Variants in LRRC4C observed in about 807,000 individuals in gnomAD.
The protein encoded by LRRC4C is leucine rich repeat containing 4C.
LRRC4C carries 5 observed loss-of-function variants against 33.6 expected under a neutral mutation model. The ratio of observed to expected loss-of-function variants is 0.15; its 90% CI spans 0.08 to 0.31. The LOEUF is 0.31. Ranked by LOEUF, LRRC4C falls within the 10% of genes least tolerant of loss-of-function variation. LRRC4C has a pLI of 1.00. For synonymous variants in LRRC4C, 329 were observed against 302.0 expected (o/e 1.09, Z -0.93); for missense variants, 560 against 796.7 (o/e 0.70, Z 3.58).
At chr11:40,302,949 G>A (rs1944847849) in intron 4 of LRRC4C, among the ~76,000 whole-genome samples, 1 of 152,144 alleles carries the variant, frequency 6.6e-6, no homozygotes, top group Non-Finnish European at 1.5e-5. Flanking sequence ...GGAACTTAAG[G>A]GAAATGTGTG....
intron 3 of LRRC4C, among the ~76,000 whole-genome samples, chr11:40,477,736 A>G (rs1204178522): frequency 6.6e-6 from 1 of 152,108 alleles, no homozygotes; most frequent in East Asian, 1.9e-4. Flanking sequence ...TTTTCAGTAC[A>G]ATACCTTGGA....
At chr11:40,750,612 C>T (rs1392216925) in intron 2 of LRRC4C, among the ~76,000 whole-genome samples, 1 of 132,874 alleles carries the variant, frequency 7.5e-6, no homozygotes, top group Non-Finnish European at 1.5e-5. Flanking sequence ...AGTGAGAACA[C>T]ATGGACACAG....
In LRRC4C at chr11:40,675,514, A is replaced by G. The variant is rs192882120; in HGVS notation, c.-406-27236T>C. 1.4e-4 allele frequency among the ~76,000 whole-genome samples: 21 copies of G among 152,200 alleles called. No individual in the cohort carries two copies. In the East Asian group the frequency reaches 4.1e-3, roughly 29 times the overall value. On this transcript the variant is annotated intron_variant, in intron 2 of 6. Transcript: ENST00000528697. ...ACGCTGCATCCCTTTTTACTAATCTAGGCTAGTTTCCCTTTTTGTAATCTC... is the reference window on the plus strand; with the variant it reads ...ACGCTGCATCCCTTTTTACTAATCTGGGCTAGTTTCCCTTTTTGTAATCTC...
At chr11:41,121,077 A>G (rs187474688) in intron 1 of LRRC4C, among the ~76,000 whole-genome samples, 1 of 152,292 alleles carries the variant, frequency 6.6e-6, no homozygotes, top group African/African-American at 2.4e-5. Context: ...TCTTTATAGT[A>G]GTGTAAAAAC....
At chr11:41,422,374 T>C (rs559124373) in intron 1 of LRRC4C, among the ~76,000 whole-genome samples, 1 of 152,164 alleles carries the variant, frequency 6.6e-6, no homozygotes, top group East Asian at 1.9e-4. Context: ...ATAAGACCTG[T>C]AGGGAGATCT....
intron 2 of LRRC4C, among the ~76,000 whole-genome samples, chr11:40,807,595 G>T (rs1040745823): frequency 2.6e-5 from 4 of 152,198 alleles, no homozygotes; most frequent in African/African-American, 9.7e-5. Context: ...ATTAAAGTCT[G>T]CTGTTCAGAG....
intron 2 of LRRC4C, among the ~76,000 whole-genome samples, chr11:40,844,864 AATG>A (rs1420790589): frequency 6.6e-6 from 1 of 152,270 alleles, no homozygotes; most frequent in Non-Finnish European, 1.5e-5. Flanking sequence ...ACACACAAAA[AATG>A]ATAAGGATAT....
chr11:40,442,572 G>A (rs1951445672), intron 3 of LRRC4C, among the ~76,000 whole-genome samples: 1 of 152,132 alleles, frequency 6.6e-6, no homozygotes, highest in South Asian at 2.1e-4. Context: ...AATGTGCTGG[G>A]GAAAGTTACA....
intron 1 of LRRC4C, among the ~76,000 whole-genome samples, chr11:41,121,627 A>G (rs1196181724): frequency 6.6e-6 from 1 of 152,180 alleles, no homozygotes; most frequent in African/African-American, 2.4e-5. Flanking sequence ...TAGCAAGTGG[A>G]TGTGTGTTTA....
intron 2 of LRRC4C, among the ~76,000 whole-genome samples, chr11:40,919,257 C>A (rs1354517557): frequency 1.3e-5 from 2 of 152,058 alleles, no homozygotes; most frequent in African/African-American, 4.8e-5. Flanking sequence ...AGTGTAGGGT[C>A]TTATAGATCC....
At chr11:40,707,471 G>C (rs1946227551) in intron 2 of LRRC4C, among the ~76,000 whole-genome samples, 1 of 152,164 alleles carries the variant, frequency 6.6e-6, no homozygotes, top group East Asian at 1.9e-4. Context: ...AGATAATCAT[G>C]TGGTTTTTGT....
chr11:40,310,343 C>T (rs955790319), intron 4 of LRRC4C, among the ~76,000 whole-genome samples: 2 of 152,098 alleles, frequency 1.3e-5, no homozygotes, highest in African/African-American at 2.4e-5. Context: ...ATCAGAACCC[C>T]AAAGTAACTA....
intron 2 of LRRC4C, among the ~76,000 whole-genome samples, chr11:40,919,800 TATC>T (rs1957101611): frequency 6.6e-6 from 1 of 152,168 alleles, no homozygotes; most frequent in Non-Finnish European, 1.5e-5. Flanking sequence ...ACATGAATAT[TATC>T]CATTTTAATT....
intron 2 of LRRC4C, among the ~76,000 whole-genome samples, chr11:40,703,375 C>G (rs1565652525): frequency 6.6e-6 from 1 of 151,974 alleles, no homozygotes; most frequent in Non-Finnish European, 1.5e-5. Context: ...AACTTGTGTT[C>G]AGAACTTACA....
intron 1 of LRRC4C, among the ~76,000 whole-genome samples, chr11:41,347,015 T>C (rs1951824703): frequency 6.6e-6 from 1 of 152,214 alleles, no homozygotes; most frequent in Non-Finnish European, 1.5e-5. Flanking sequence ...ATACAATTCA[T>C]ATAGCACAGG....
intron 1 of LRRC4C, among the ~76,000 whole-genome samples, chr11:41,005,667 C>G (rs1219952483): frequency 1.3e-5 from 2 of 152,124 alleles, no homozygotes; most frequent in Admixed American, 6.6e-5. Flanking sequence ...CTTGCTCTCT[C>G]TCTCTCGCAA....
chr11:41,166,999 T>C (rs1797403644), intron 1 of LRRC4C, among the ~76,000 whole-genome samples: 1 of 152,194 alleles, frequency 6.6e-6, no homozygotes, highest in South Asian at 2.1e-4. Context: ...CATTAAATAC[T>C]GAATTCAGAG....
In LRRC4C at chr11:40,306,621, C is replaced by A. The variant is rs532004673; in HGVS notation, c.-176+13007G>T. ...ATCCAACCCACCCATGGCTAATACA[C>A]AGTCAAAAGCACCAGCTGTGATGCA... On this transcript the variant is annotated intron_variant, in intron 4 of 6. Coordinates refer to ENST00000528697, the MANE Select transcript of LRRC4C (RefSeq NM_001258419.2). Among the ~76,000 whole-genome samples the A allele has an allele frequency of 2.0e-5, 3 of 152,342 alleles. No homozygotes were observed. In the South Asian group the frequency reaches 6.2e-4, roughly 32 times the overall value.
intron 1 of LRRC4C, among the ~76,000 whole-genome samples, chr11:41,334,641 G>C (rs902077457): frequency 6.6e-6 from 1 of 152,020 alleles, no homozygotes; most frequent in Admixed American, 6.6e-5. Flanking sequence ...AAAACAGTCC[G>C]GGTAAAAAGT....
Sources: gnomAD v4.1 joint callset for allele counts (sites outside exome capture counted in the v4.1 genomes callset) on GRCh38, gnomAD v4.1.1 for gene constraint, MANE v1.5 for transcripts, NCBI Gene and HGNC (gene_info 2026-07-23, HGNC 2026-07-21) for gene names.